Variants in ACBD6 observed in about 807,000 individuals in gnomAD.
ACBD6 encodes acyl-CoA binding domain containing 6.
Under a neutral mutation model 37.2 loss-of-function variants are expected in ACBD6, and 28 were observed. The observed-to-expected ratio is 0.75, with a 90% confidence interval of 0.56 to 1.03. The LOEUF (loss-of-function observed/expected upper bound fraction) is 1.03, where lower values mean the gene tolerates loss of function less well. ACBD6 is among the 50% of genes least tolerant of loss of function. The pLI is 0.00. For missense variants in ACBD6, 340 were observed against 337.4 expected, an observed-to-expected ratio of 1.01 and a Z score of -0.06; for synonymous variants, 113 against 126.8, an observed-to-expected ratio of 0.89 and a Z score of 0.73.
intron 3 of ACBD6, among the ~76,000 whole-genome samples, chr1:180,461,326 T>C (rs1650137737): frequency 6.6e-6 from 1 of 152,152 alleles, no homozygotes; most frequent in South Asian, 2.1e-4. Context: ...GGAAAACATA[T>C]TTCAGGATAT....
At chr1:180,434,747 C>T in intron 3 of ACBD6, 1 of 573,024 alleles carries the variant, frequency 1.7e-6, no homozygotes, top group Non-Finnish European at 3.2e-6. Flanking sequence ...GTAAAACTAC[C>T]TCAACAGGCC....
chr1:180,386,300 G>C (rs1483037607), intron 6 of ACBD6, among the ~76,000 whole-genome samples: 1 of 152,172 alleles, frequency 6.6e-6, no homozygotes. Context: ...ATAAGTTGAG[G>C]AGCATCTGCA....
At chr1:180,422,450 C>T (rs973522573) in intron 4 of ACBD6, among the ~76,000 whole-genome samples, 1 of 152,188 alleles carries the variant, frequency 6.6e-6, no homozygotes, top group Non-Finnish European at 1.5e-5. Context: ...AGGTGATCCA[C>T]CCGTCTTGGC....
At chr1:180,284,341 G>A (rs1401935538), downstream of ACBD6, among the ~76,000 whole-genome samples, 1 of 151,460 alleles carries the variant, frequency 6.6e-6, no homozygotes, top group Non-Finnish European at 1.5e-5. Context: ...CAAATCACAT[G>A]ATTACGAAAG....
chr1:180,477,617 A>T (rs542088379), intron 3 of ACBD6, among the ~76,000 whole-genome samples: 1 of 152,202 alleles, frequency 6.6e-6, no homozygotes, highest in African/African-American at 2.4e-5. Context: ...ATAATTTAAA[A>T]AACAGATAAA....
At chr1:180,446,912 A>G (rs1292664052) in intron 3 of ACBD6, among the ~76,000 whole-genome samples, 3 of 152,052 alleles carry the variant, frequency 2.0e-5, no homozygotes, top group Non-Finnish European at 4.4e-5. Flanking sequence ...ATGGTGGTGC[A>G]TATCTGTAAT....
intron 6 of ACBD6, among the ~76,000 whole-genome samples, chr1:180,371,066 C>A (rs1653244255): frequency 6.6e-6 from 1 of 151,822 alleles, no homozygotes; most frequent in Non-Finnish European, 1.5e-5. Context: ...AATTGATAAA[C>A]TGAAAATTTA....
chr1:180,388,002 C>T (rs931106760), intron 6 of ACBD6, among the ~76,000 whole-genome samples: 3 of 143,594 alleles, frequency 2.1e-5, no homozygotes, highest in Non-Finnish European at 3.1e-5. Flanking sequence ...GATGAAACCC[C>T]GTCTCTACTA....
chr1:180,332,287 T>C (rs1422096940), intron 6 of ACBD6, among the ~76,000 whole-genome samples: 1 of 152,190 alleles, frequency 6.6e-6, no homozygotes, highest in Non-Finnish European at 1.5e-5. Flanking sequence ...TAACTTCATA[T>C]TTGTTCCCCT....
intron 6 of ACBD6, among the ~76,000 whole-genome samples, chr1:180,350,827 G>A (rs1352299005): frequency 6.6e-6 from 1 of 152,092 alleles, no homozygotes; most frequent in Non-Finnish European, 1.5e-5. Flanking sequence ...CTCTCATTAT[G>A]GGATTTGGTT....
At chr1:180,483,208 A>G (rs1435238301) in intron 3 of ACBD6, among the ~76,000 whole-genome samples, 4 of 152,090 alleles carry the variant, frequency 2.6e-5, no homozygotes, top group African/African-American at 9.7e-5. Context: ...TGTTTCCTCT[A>G]TACAGAATGT....
chr1:180,452,698 T>A (rs4652503), intron 3 of ACBD6, among the ~76,000 whole-genome samples: 152,186 of 152,192 alleles, frequency 1, 76,090 homozygotes, highest in Middle Eastern at 1. Flanking sequence ...AGAGAGAAGA[T>A]TCAATAGACA....
intron 6 of ACBD6, among the ~76,000 whole-genome samples, chr1:180,365,328 AC>A: frequency 6.6e-6 from 1 of 152,182 alleles, no homozygotes; most frequent in East Asian, 1.9e-4. Context: ...TAAAATCTGT[AC>A]TTTTATATGA....
rs1247658662 is a variant in ACBD6, at chr1:180,323,980, C to T, written c.664-9258G>A. Among the ~76,000 whole-genome samples, 2 of 8,936 alleles carry T rather than the reference C, an allele frequency of 2.2e-4. 1 individual carries two copies. The highest frequency in any genetic ancestry group is 3.4e-4 in the Non-Finnish European group (2 of 5,952). 5.9% of individuals were successfully genotyped at this position (8,936 alleles called of 152,430 possible). Reference sequence around the variant, plus strand: ...CTGCAAGCTCCGCTTCCCGGGTTCACGCCATTCTCCTGCCTCAGCCTCCCG... The same window carrying T: ...CTGCAAGCTCCGCTTCCCGGGTTCATGCCATTCTCCTGCCTCAGCCTCCCG... On this transcript the variant is annotated intron_variant, in intron 6 of 7. Coordinates refer to ENST00000367595, the MANE Select transcript of ACBD6 (RefSeq NM_032360.4).
intron 3 of ACBD6, among the ~76,000 whole-genome samples, chr1:180,468,635 T>C (rs1241691194): frequency 6.6e-6 from 1 of 152,206 alleles, no homozygotes; most frequent in Non-Finnish European, 1.5e-5. Context: ...AGACAGACTA[T>C]TTTTACAAAT....
chr1:180,419,022 C>A (rs532143538), intron 4 of ACBD6, among the ~76,000 whole-genome samples: 1 of 152,198 alleles, frequency 6.6e-6, no homozygotes, highest in Non-Finnish European at 1.5e-5. Flanking sequence ...GAGGCCGAGG[C>A]GGGTGGATCA....
intron 7 of ACBD6, among the ~76,000 whole-genome samples, chr1:180,298,909 T>C (rs564692179): frequency 5.3e-5 from 8 of 152,208 alleles, no homozygotes; most frequent in Non-Finnish European, 1.0e-4. Flanking sequence ...CACAGGTGCA[T>C]CTTATCCTGA....
intron 7 of ACBD6, among the ~76,000 whole-genome samples, chr1:180,298,602 T>C (rs1650008889): frequency 6.6e-6 from 1 of 152,222 alleles, no homozygotes; most frequent in Admixed American, 6.5e-5. Context: ...TAGGGAACTC[T>C]AGTCAACCAG....
intron 4 of ACBD6, among the ~76,000 whole-genome samples, chr1:180,418,409 C>T: frequency 6.6e-6 from 1 of 151,920 alleles, no homozygotes; most frequent in South Asian, 2.1e-4. Context: ...AAGACCCTAC[C>T]TCTACAAAAA....
Sources: gnomAD v4.1 joint callset for allele counts (sites outside exome capture counted in the v4.1 genomes callset) on GRCh38, gnomAD v4.1.1 for gene constraint, MANE v1.5 for transcripts, NCBI Gene and HGNC (gene_info 2026-07-23, HGNC 2026-07-21) for gene names.